The following TMEM273 variants were observed in gnomAD, a reference collection of about 807,000 sequenced individuals.
The protein encoded by TMEM273 is chromosome 10 open reading frame 128.
A neutral mutation model predicts 17.9 loss-of-function variants in TMEM273; 19 were observed. The ratio of observed to expected loss-of-function variants is 1.06; its 90% CI spans 0.74 to 1.55. The LOEUF is 1.55. Ranked by LOEUF, TMEM273 falls within the 40% of genes most tolerant of loss-of-function variation. The pLI is 0.00. For missense variants in TMEM273, 194 were observed against 155.6 expected, an observed-to-expected ratio of 1.25 and a Z score of -1.31; for synonymous variants, 66 against 62.0, an observed-to-expected ratio of 1.07 and a Z score of -0.31.
intron 3 of TMEM273, 97 bp downstream of exon 3, chr10:49,166,772 G>C (rs76186937): frequency 1.3e-6 from 2 of 1,554,104 alleles, no homozygotes; most frequent in Non-Finnish European, 1.8e-6. Context: ...TGGGCTCTGC[G>C]CTTGTGGGTT....
intron 1 of TMEM273, among the ~76,000 whole-genome samples, chr10:49,173,868 G>C (rs78422139): frequency 6.6e-6 from 1 of 152,168 alleles, no homozygotes; most frequent in East Asian, 1.9e-4. Flanking sequence ...ACAAGGGGGG[G>C]CGATAGCGTT....
chr10:49,188,325 C>A lies in TMEM273; in HGVS notation c.12G>T (p.Gly4=). 6.2e-7 allele frequency: 1 copy of A among 1,614,182 alleles called. No individual in the cohort carries two copies. The highest frequency in any genetic ancestry group is 8.5e-7 in the Non-Finnish European group (1 of 1,180,016). The stretch of plus-strand genomic sequence containing the variant: ...GGAAGAGGATCCTCAGCATGCTGAC[C>A]CCCAAGTTCATGCTGGCGCTCTGCT... The part of the protein sequence containing the change: MNL[G]VSMLRILFLL... The change falls in exon 1 of 7, where the codon GGG becomes GGT. Residue 4 remains glycine (G), a synonymous_variant. Coordinates refer to ENST00000374153, the MANE Select transcript of TMEM273 (RefSeq NM_001288740.3).
intron 5 of TMEM273, among the ~76,000 whole-genome samples, chr10:49,162,211 T>C (rs1845887781): frequency 6.6e-6 from 1 of 152,204 alleles, no homozygotes; most frequent in South Asian, 2.1e-4. Flanking sequence ...TGTTTTCAAA[T>C]GGGTCTGTGT....
In TMEM273 at chr10:49,155,117, A is replaced by G. The variant is rs1845438517; in HGVS notation, c.*775T>C. 1 of 152,288 alleles carries G rather than the reference A, an allele frequency of 6.6e-6. No homozygotes were observed. Among genetic ancestry groups the G allele is most frequent in the South Asian group, 2.1e-4 (1 of 4,832 alleles). 9.4% of individuals were successfully genotyped at this position (152,288 alleles called of 1,614,324 possible). A position where few individuals can be genotyped will look rare whatever the true frequency, so the allele number is the denominator to read the frequency against. ...TCAGCCTCCACCAGTCATGTCTTCT[A>G]TGCAACAGCCATGTACATTGTAATA... On this transcript the variant is annotated 3_prime_UTR_variant, in exon 7 of 7. Transcript: ENST00000374153.
rs116475741 is a variant in TMEM273 at position 49,165,278 on chromosome 10, A to G, written c.275T>C (p.Leu92Pro). Residue 92 changes from leucine to proline, a missense_variant, in exon 5 of 7, where the codon CTG becomes CCG. Coordinates refer to ENST00000374153, the MANE Select transcript of TMEM273 (RefSeq NM_001288740.3). The stretch of plus-strand genomic sequence containing the variant: ...GAAGGAAAAGAGGGTCGAGGCTTGC[A>G]GCTTTCTGGCAAAGAGCATTCCAAT... The part of the protein sequence containing the change: ...IPLKKRAPRK[L>P]QASTLFSFKS... The G allele has an allele frequency of 3.6e-4, 554 of 1,550,610 alleles. 1 individual carries two copies. In the African/African-American group the frequency reaches 6.3e-3, roughly 18 times the overall value.
intron 1 of TMEM273, among the ~76,000 whole-genome samples, chr10:49,176,313 C>T (rs1564639879): frequency 6.6e-6 from 1 of 152,328 alleles, no homozygotes; most frequent in South Asian, 2.1e-4. Context: ...AAAGAGGTGG[C>T]GCTCCCCAGC....
intron 1 of TMEM273, among the ~76,000 whole-genome samples, chr10:49,184,855 C>G (rs927799528): frequency 2.6e-5 from 4 of 152,192 alleles, no homozygotes; most frequent in African/African-American, 9.7e-5. Flanking sequence ...TAAATTCTGA[C>G]AGTATGGGAA....
intron 6 of TMEM273, among the ~76,000 whole-genome samples, chr10:49,159,930 G>A (rs1192109434): frequency 2.0e-5 from 3 of 152,068 alleles, no homozygotes; most frequent in Non-Finnish European, 4.4e-5. Flanking sequence ...AACAATTTGG[G>A]CTTCAGAAAG....
At chr10:49,161,913 T>C (rs966478173) in intron 5 of TMEM273, among the ~76,000 whole-genome samples, 1 of 152,144 alleles carries the variant, frequency 6.6e-6, no homozygotes. Context: ...TAAACTCCCA[T>C]CCAGCCATTG....
At chr10:49,177,871 G>C (rs1461316354) in intron 1 of TMEM273, among the ~76,000 whole-genome samples, 1 of 152,080 alleles carries the variant, frequency 6.6e-6, no homozygotes, top group Admixed American at 6.5e-5. Flanking sequence ...AGCTGGGATG[G>C]ACACCAGTTT....
chr10:49,184,392 T>C (rs148381878), intron 1 of TMEM273, among the ~76,000 whole-genome samples: 6 of 152,260 alleles, frequency 3.9e-5, no homozygotes, highest in African/African-American at 1.4e-4. Flanking sequence ...AGAGAAGATA[T>C]TTGGAACACA....
chr10:49,167,922 A>G lies in TMEM273; in HGVS notation c.84T>C (p.Pro28=). The change falls in exon 2 of 7, where the codon CCT becomes CCC. Residue 28 remains proline (P), a synonymous_variant. Transcript: ENST00000374153. ...GAQVLATGKT[P]GAEIDFKYAL... ...GCAGCCACGTACCAATTTCAGCCCC[A>G]GGGGTCTTGCCTGTTGCCAGCACTT... 6.2e-7 allele frequency: 1 copy of G among 1,614,018 alleles called. No homozygotes were observed. Among genetic ancestry groups the G allele is most frequent in the Non-Finnish European group, 8.5e-7 (1 of 1,179,992 alleles).
At chr10:49,167,730 G>A (rs1846286196) in intron 2 of TMEM273, among the ~76,000 whole-genome samples, 179 bp downstream of exon 2, 1 of 152,206 alleles carries the variant, frequency 6.6e-6, no homozygotes, top group South Asian at 2.1e-4. Context: ...TTTAATGCAA[G>A]GCCTTTCCCC....
intron 5 of TMEM273, among the ~76,000 whole-genome samples, chr10:49,162,327 C>G (rs1023231098): frequency 2.0e-5 from 3 of 152,164 alleles, no homozygotes; most frequent in Non-Finnish European, 4.4e-5. Flanking sequence ...AATAAATGCA[C>G]ACACACATAT....
chr10:49,170,607 T>C (rs1444442996), intron 1 of TMEM273, among the ~76,000 whole-genome samples: 1 of 151,988 alleles, frequency 6.6e-6, no homozygotes, highest in Non-Finnish European at 1.5e-5. Flanking sequence ...CCACCTTGAG[T>C]CACTTGCAGG....
At position 49,188,338 on chromosome 10, in the gene TMEM273, C is replaced by A; in HGVS notation, c.-2G>T. The A allele has an allele frequency of 6.2e-7, 1 of 1,614,188 alleles. No individual in the cohort carries two copies. On this transcript the variant is annotated 5_prime_UTR_variant, in exon 1 of 7. Transcript: ENST00000374153. ...CAGCATGCTGACCCCCAAGTTCATGCTGGCGCTCTGCTCTTGGCTCCTGGC... is the reference window on the plus strand; with the variant it reads ...CAGCATGCTGACCCCCAAGTTCATGATGGCGCTCTGCTCTTGGCTCCTGGC...
At chr10:49,168,704 G>GGAA (rs1554844788) in intron 1 of TMEM273, among the ~76,000 whole-genome samples, 4 of 133,936 alleles carry the variant, frequency 3.0e-5, no homozygotes, top group Non-Finnish European at 4.8e-5. Context: ...GAGGGAGGGA[G>GGAA]GGAGGGAGGG....
intron 1 of TMEM273, among the ~76,000 whole-genome samples, chr10:49,186,090 GAA>G (rs1564652221): frequency 4.0e-5 from 6 of 149,168 alleles, no homozygotes; most frequent in Middle Eastern, 3.5e-3. Context: ...AGAAGAAGAA[GAA>G]GAAGAAGAAG....
chr10:49,161,079 A>G (rs1845811492), intron 6 of TMEM273: 1 of 154,684 alleles, frequency 6.5e-6, no homozygotes, highest in South Asian at 2.0e-4. Flanking sequence ...CTTCATTCCT[A>G]GGAGTCTTCA....
Sources: allele counts gnomAD v4.1 joint callset (sites outside exome capture counted in the v4.1 genomes callset), GRCh38; gene constraint gnomAD v4.1.1; transcripts MANE v1.5; gene names NCBI Gene and HGNC (gene_info 2026-07-23, HGNC 2026-07-21).